Variants in CPQ observed in about 807,000 individuals in gnomAD.
CPQ encodes the protein carboxypeptidase Q.
A neutral mutation model predicts 45.7 loss-of-function variants in CPQ; 37 were observed. The observed-to-expected ratio is 0.81, with a 90% CI of 0.62 to 1.07. The LOEUF (loss-of-function observed/expected upper bound fraction) is 1.07, where lower values mean the gene tolerates loss of function less well. Among genes scored for constraint, CPQ ranks in the 50% least tolerant of loss-of-function variants. The probability of loss-of-function intolerance (pLI) is 0.00; values close to 1 mark genes in which losing one functional copy is unlikely to be tolerated. For synonymous variants in CPQ, 186 were observed against 205.8 expected (o/e 0.90, Z 0.82); for missense variants, 537 against 572.9 (o/e 0.94, Z 0.64).
intron 3 of CPQ, among the ~76,000 whole-genome samples, chr8:96,838,784 C>T (rs113245081): frequency 9.2e-5 from 14 of 152,094 alleles, no homozygotes; most frequent in Admixed American, 5.2e-4. Flanking sequence ...GCAGGGCTCT[C>T]GTAACAAACC....
chr8:96,777,498 C>T (rs987200024), intron 1 of CPQ, among the ~76,000 whole-genome samples: 1 of 151,798 alleles, frequency 6.6e-6, no homozygotes. Context: ...TCATCCATTG[C>T]CACATCAGCA....
chr8:97,140,123 C>T (rs1424736041), intron 7 of CPQ, among the ~76,000 whole-genome samples: 2 of 151,876 alleles, frequency 1.3e-5, no homozygotes, highest in Admixed American at 6.6e-5. Flanking sequence ...TTACTGACAA[C>T]TTCATGCCAA....
At chr8:96,905,572 A>C (rs918159653) in intron 4 of CPQ, among the ~76,000 whole-genome samples, 1 of 152,162 alleles carries the variant, frequency 6.6e-6, no homozygotes, top group Admixed American at 6.6e-5. Flanking sequence ...AGCGTGAGCC[A>C]AACAGCAGGA....
chr8:96,687,611 A>T (rs1449189667), intron 1 of CPQ, among the ~76,000 whole-genome samples: 1 of 151,100 alleles, frequency 6.6e-6, no homozygotes, highest in Non-Finnish European at 1.5e-5. Context: ...GAGTGCTTAT[A>T]TTATCTCTTT....
intron 6 of CPQ, among the ~76,000 whole-genome samples, chr8:97,058,399 G>A (rs1810489877): frequency 6.6e-6 from 1 of 152,134 alleles, no homozygotes; most frequent in Non-Finnish European, 1.5e-5. Flanking sequence ...AGGTCAACCA[G>A]AAAGCACTAT....
intron 1 of CPQ, among the ~76,000 whole-genome samples, chr8:96,656,627 C>T (rs938718749): frequency 2.6e-5 from 4 of 152,164 alleles, no homozygotes; most frequent in South Asian, 2.1e-4. Context: ...ATTCCAACCC[C>T]TATGATCCAC....
At chr8:96,797,440 G>A (rs1810946783) in intron 2 of CPQ, among the ~76,000 whole-genome samples, 1 of 152,116 alleles carries the variant, frequency 6.6e-6, no homozygotes, top group Non-Finnish European at 1.5e-5. Context: ...GATTGCCATT[G>A]GTTATATAGT....
In CPQ at chr8:96,840,652, G is replaced by A. The variant is rs547835917; in HGVS notation, c.641+5472G>A. Among the ~76,000 whole-genome samples the A allele has an allele frequency of 2.4e-4, 37 of 152,236 alleles. No individual in the cohort carries two copies. The South Asian group carries it at 7.1e-3, about 29-fold the overall frequency. On this transcript the variant is annotated intron_variant, in intron 3 of 7. Transcript: ENST00000220763. ...AGCATGCATTAGACAGGGAAGGACA[G>A]GTTACTCCTCTAATAATGCAGATAT...
intron 1 of CPQ, among the ~76,000 whole-genome samples, chr8:96,771,948 C>T (rs1431919975): frequency 1.3e-5 from 2 of 151,836 alleles, no homozygotes; most frequent in African/African-American, 4.8e-5. Flanking sequence ...TACACATTCT[C>T]TACCCACAAT....
chr8:96,679,163 T>C (rs764618041), intron 1 of CPQ, among the ~76,000 whole-genome samples: 2 of 152,090 alleles, frequency 1.3e-5, no homozygotes, highest in Non-Finnish European at 2.9e-5. Flanking sequence ...GCTTTTTCTA[T>C]GTCTACTGAG....
rs1424142377 is a variant in CPQ, at chr8:96,835,127, G to A, written c.588G>A (p.Lys196=). 1 of 1,588,186 alleles carries A rather than the reference G, an allele frequency of 6.3e-7. No individual in the cohort carries two copies. The highest frequency in any genetic ancestry group is 2.3e-5 in the East Asian group (1 of 43,060). Residue 196 remains lysine (K), a synonymous_variant, in exon 3 of 8, where the codon AAG becomes AAA. Coordinates refer to ENST00000220763, the MANE Select transcript of CPQ (RefSeq NM_016134.4). ...YRTQGAVEAA[K]VGALASLIRS... is the part of the protein sequence containing the mutation. The stretch of plus-strand genomic sequence containing the variant: ...CGCAGGGGGCGGTGGAAGCTGCCAA[G>A]GTGGGGGCTTTGGCATCTCTCATTC...
chr8:96,833,750 T>C (rs912815746), intron 2 of CPQ, among the ~76,000 whole-genome samples: 4 of 152,198 alleles, frequency 2.6e-5, no homozygotes, highest in African/African-American at 9.6e-5. Flanking sequence ...TACCTATAGA[T>C]CTTAGCCAAT....
At position 96,976,575 on chromosome 8, in the gene CPQ, C is replaced by G. The variant is rs117382023; in HGVS notation, c.961+10529C>G. On this transcript the variant is annotated intron_variant, in intron 5 of 7. Coordinates refer to ENST00000220763, the MANE Select transcript of CPQ (RefSeq NM_016134.4). ...CAAGCAAAAAGAACAAATCTGGAAG[C>G]ATCACATTACCCTACTTCAAACTAA... Among the ~76,000 whole-genome samples the G allele has an allele frequency of 1.5e-4, 23 of 152,166 alleles. No homozygotes were observed. In the East Asian group the frequency reaches 4.2e-3, roughly 28 times the overall value.
chr8:97,013,745 G>A (rs1586494352), intron 5 of CPQ, among the ~76,000 whole-genome samples: 2 of 152,298 alleles, frequency 1.3e-5, no homozygotes, highest in Admixed American at 1.3e-4. Context: ...ACTCTTGGAG[G>A]CAGATCGGAA....
At chr8:97,091,809 G>T (rs1396005532) in intron 7 of CPQ, among the ~76,000 whole-genome samples, 1 of 151,960 alleles carries the variant, frequency 6.6e-6, no homozygotes, top group Non-Finnish European at 1.5e-5. Flanking sequence ...AGAATGAAAT[G>T]GTTACCAAAG....
chr8:97,109,902 T>A (rs574582376), intron 7 of CPQ, among the ~76,000 whole-genome samples: 1 of 152,288 alleles, frequency 6.6e-6, no homozygotes, highest in African/African-American at 2.4e-5. Context: ...CAAAAAATTC[T>A]TTAAGGGTTA....
chr8:96,989,728 C>T lies in CPQ; in HGVS notation c.961+23682C>T, dbSNP rs536923923. Among the ~76,000 whole-genome samples, 27 of 152,268 alleles carry T rather than the reference C, an allele frequency of 1.8e-4. No individual in the cohort carries two copies. The South Asian group carries it at 5.6e-3, about 32-fold the overall frequency. ...ATTTGTTCTTTTTGTTATTGGTTCT[C>T]TGTCTCCCCCTGAACCTTTAGCCAG... is the stretch of plus-strand genomic sequence containing the variant. On this transcript the variant is annotated intron_variant, in intron 5 of 7. Coordinates refer to ENST00000220763, the MANE Select transcript of CPQ (RefSeq NM_016134.4).
At chr8:96,704,862 A>G (rs1222100319) in intron 1 of CPQ, among the ~76,000 whole-genome samples, 1 of 152,160 alleles carries the variant, frequency 6.6e-6, no homozygotes, top group Non-Finnish European at 1.5e-5. Flanking sequence ...GTACCTGTGA[A>G]ACATCCATTT....
intron 6 of CPQ, among the ~76,000 whole-genome samples, chr8:97,039,346 T>C (rs758927400): frequency 1.3e-5 from 2 of 152,208 alleles, no homozygotes; most frequent in East Asian, 1.9e-4. Context: ...CAATACATTT[T>C]GGCAATTTCA....
Sources: allele counts gnomAD v4.1 joint callset (sites outside exome capture counted in the v4.1 genomes callset), GRCh38; gene constraint gnomAD v4.1.1; transcripts MANE v1.5; gene names NCBI Gene and HGNC (gene_info 2026-07-23, HGNC 2026-07-21).